The following BTG4 variants were observed in gnomAD, a reference collection of about 807,000 sequenced individuals.
BTG4 encodes BTG anti-proliferation factor 4, also known as protein BTG4.
A neutral mutation model predicts 19.3 loss-of-function variants in BTG4; 10 were observed. That is an observed-to-expected ratio of 0.52 (90% CI 0.32 to 0.88). The LOEUF (loss-of-function observed/expected upper bound fraction) is 0.88. Among genes scored for constraint, BTG4 ranks in the 40% least tolerant of loss-of-function variants. The pLI is 0.04. For synonymous variants in BTG4, 91 were observed against 95.7 expected, an observed-to-expected ratio of 0.95 and a Z score of 0.29; for missense variants, 238 against 281.9, an observed-to-expected ratio of 0.84 and a Z score of 1.11.
At chr11:111,512,581 C>T (rs1867029417), upstream of BTG4, among the ~76,000 whole-genome samples, 1 of 152,144 alleles carries the variant, frequency 6.6e-6, no homozygotes, top group African/African-American at 2.4e-5. Context: ...AAGTGGGAGC[C>T]CGGGCCGAGG....
At chr11:111,430,099 T>G in the BTG4 span, among the ~76,000 whole-genome samples, 53,110 of 152,124 alleles carry the variant, frequency 0.35, 9,412 homozygotes, top group African/African-American at 0.4. Context: ...ATATCGGAGA[T>G]AGGTCACAGT....
chr11:111,495,435 G>T, intron 4 of BTG4, 121 bp from the exon 5 acceptor site: 1 of 814,872 alleles, frequency 1.2e-6, no homozygotes, highest in Non-Finnish European at 1.9e-6. Flanking sequence ...AATTGAAAGT[G>T]CATAACCATC....
chr11:111,416,185 G>A, the BTG4 span: 1 of 152,262 alleles, frequency 6.6e-6, no homozygotes, highest in African/African-American at 2.4e-5. Context: ...AGGGAAAGCT[G>A]GGGTACTACT....
the BTG4 span, among the ~76,000 whole-genome samples, chr11:111,418,684 G>A: frequency 8.5e-5 from 13 of 152,154 alleles, no homozygotes; most frequent in African/African-American, 3.1e-4. Flanking sequence ...AAAACCAGAG[G>A]AGGTTGGTAG....
the BTG4 span, among the ~76,000 whole-genome samples, chr11:111,456,181 G>A: frequency 2.6e-5 from 4 of 152,184 alleles, no homozygotes; most frequent in South Asian, 2.1e-4. The surrounding 1 kb of genome is among the most constrained non-coding windows in gnomAD (Gnocchi z 4.2). Flanking sequence ...GAAGGCAAAC[G>A]GCCAAGTTTG....
chr11:111,478,041 G>A lies in BTG4; in HGVS notation c.663-10360C>T, dbSNP rs181678685. 2.9e-4 allele frequency among the ~76,000 whole-genome samples: 44 copies of A among 152,116 alleles called. No homozygotes were observed. The East Asian group carries it at 6.2e-3, about 21-fold the overall frequency. On this transcript the variant is annotated intron_variant, in intron 5 of 5. Transcript: ENST00000356018. ...AACCCTCCTCCACCTCATGGTATCA[G>A]TAGAAACCACATAGAAAGTCTAGAC...
At chr11:111,514,613 C>T (rs1193384313), upstream of BTG4, 2 of 615,158 alleles carry the variant, frequency 3.3e-6, no homozygotes, top group Non-Finnish European at 5.7e-6. Flanking sequence ...ACCTGATCAC[C>T]GCAGGGGTGG....
At chr11:111,396,155 C>A in the BTG4 span, among the ~76,000 whole-genome samples, 67 of 152,360 alleles carry the variant, frequency 4.4e-4, no homozygotes, top group Admixed American at 4.6e-4. Context: ...AGCAGTTGAA[C>A]TCCTACATAA....
chr11:111,466,293 A>T (rs952468983), downstream of BTG4, among the ~76,000 whole-genome samples: 14 of 152,146 alleles, frequency 9.2e-5, no homozygotes, highest in Non-Finnish European at 1.6e-4. Flanking sequence ...AAAAACAATT[A>T]AAAAAATAGA....
chr11:111,392,765 T>C, the BTG4 span, among the ~76,000 whole-genome samples: 5 of 152,118 alleles, frequency 3.3e-5, no homozygotes, highest in African/African-American at 4.8e-5. Flanking sequence ...AGTGGTAACA[T>C]AGTTTGCTAG....
upstream of BTG4, among the ~76,000 whole-genome samples, chr11:111,512,624 T>C (rs112456112): frequency 0.019 from 2,827 of 152,036 alleles, 101 homozygotes; most frequent in African/African-American, 0.064. Context: ...GAGGGGAACC[T>C]GAGCGGGAGG....
intron 5 of BTG4, among the ~76,000 whole-genome samples, chr11:111,474,940 G>A (rs907147891): frequency 6.6e-6 from 1 of 152,108 alleles, no homozygotes; most frequent in South Asian, 2.1e-4. Context: ...CTCTTGTAAA[G>A]TGCCTAATCC....
chr11:111,453,828 G>A, the BTG4 span, among the ~76,000 whole-genome samples: 12 of 152,206 alleles, frequency 7.9e-5, no homozygotes, highest in Admixed American at 7.2e-4. Context: ...TAGTATAACC[G>A]TGTACAAAGC....
the BTG4 span, among the ~76,000 whole-genome samples, chr11:111,423,034 G>C: frequency 0.92 from 140,114 of 152,118 alleles, 64,873 homozygotes; most frequent in East Asian, 1. Flanking sequence ...TCTTTTCCAG[G>C]TGGGGACCCT....
chr11:111,419,882 C>T, the BTG4 span, among the ~76,000 whole-genome samples: 3 of 152,210 alleles, frequency 2.0e-5, no homozygotes, highest in Non-Finnish European at 4.4e-5. Flanking sequence ...TGGCTAAGTG[C>T]CATATTGGAA....
At chr11:111,509,700 AAAAAAC>A (rs150136652) in intron 1 of BTG4, among the ~76,000 whole-genome samples, 2,071 of 151,874 alleles carry the variant, frequency 0.014, 51 homozygotes, top group African/African-American at 0.045. Context: ...CCATCTCAAA[AAAAAAC>A]AAAAACAAAA....
At chr11:111,493,497 A>G (rs192141361), downstream of BTG4, among the ~76,000 whole-genome samples, 7 of 152,320 alleles carry the variant, frequency 4.6e-5, no homozygotes, top group East Asian at 1.3e-3. Flanking sequence ...CCTAAAGCCT[A>G]ATACTTACAC....
Position 111,495,326 on chromosome 11 carries a change from A to G in BTG4, c.511-12T>C, listed in dbSNP as rs1367645750. On this transcript the variant is annotated splice_polypyrimidine_tract_variant and intron_variant, in intron 4 of 4. Coordinates refer to ENST00000692032, the MANE Select transcript of BTG4 (RefSeq NM_001367975.1). ...TTCAAGTTTTCAACCTGGAAAAAAA[A>G]AGTATAAAGATCTCTAATAAGCTAG... The G allele has an allele frequency of 4.4e-6, 7 of 1,603,012 alleles. No homozygotes were observed. The highest frequency in any genetic ancestry group is 6.0e-6 in the Non-Finnish European group (7 of 1,172,366).
the BTG4 span, chr11:111,451,215 G>A: frequency 1.7e-5 from 5 of 297,838 alleles, no homozygotes; most frequent in African/African-American, 1.1e-4. Flanking sequence ...CACTCCCAAA[G>A]GCAACGTATT....
Sources: gnomAD v4.1 joint callset for allele counts (sites outside exome capture counted in the v4.1 genomes callset) on GRCh38, gnomAD v4.1.1 for gene constraint, Gnocchi (gnomAD v3.1) non-coding constraint, MANE v1.5 for transcripts, NCBI Gene and HGNC (gene_info 2026-07-23, HGNC 2026-07-21) for gene names.